C12orf42: variants seen among roughly 807,000 people sequenced by gnomAD.
C12orf42 encodes uncharacterized protein C12orf42.
C12orf42 carries 25 observed loss-of-function variants against 21.6 expected under a neutral mutation model. That is an observed-to-expected ratio of 1.16 (90% CI 0.84 to 1.62). C12orf42 has a LOEUF of 1.62. C12orf42 is among the 40% of genes most tolerant of loss of function. The pLI, the probability that C12orf42 is intolerant of heterozygous loss-of-function variation, is 0.00. For synonymous variants in C12orf42, 174 were observed against 175.0 expected (o/e 0.99, Z 0.05); for missense variants, 483 against 459.3 (o/e 1.05, Z -0.47).
chr12:103,116,087 C>A, the C12orf42 span, among the ~76,000 whole-genome samples: 5 of 152,162 alleles, frequency 3.3e-5, no homozygotes, highest in Admixed American at 3.3e-4. Flanking sequence ...TGGGGCCGGG[C>A]GCAGTGGCTC....
At chr12:103,437,769 T>TA (rs1487192414) in intron 2 of C12orf42, among the ~76,000 whole-genome samples, 1 of 144,036 alleles carries the variant, frequency 6.9e-6, no homozygotes, top group Non-Finnish European at 1.5e-5. Context: ...ATTAATAGCC[T>TA]ACCAACCAAA....
At chr12:103,433,492 T>G (rs1389302783) in intron 2 of C12orf42, among the ~76,000 whole-genome samples, 1 of 152,186 alleles carries the variant, frequency 6.6e-6, no homozygotes, top group African/African-American at 2.4e-5. Flanking sequence ...GCAACATCTC[T>G]AAAGTACAAT....
At chr12:103,236,669 A>G (rs1196974541), downstream of C12orf42, among the ~76,000 whole-genome samples, 1 of 152,138 alleles carries the variant, frequency 6.6e-6, no homozygotes, top group African/African-American at 2.4e-5. Flanking sequence ...TTCTTCTACA[A>G]TGGGCCCCCT....
chr12:103,317,381 C>T (rs1952076019), intron 4 of C12orf42, among the ~76,000 whole-genome samples: 1 of 152,180 alleles, frequency 6.6e-6, no homozygotes, highest in South Asian at 2.1e-4. Flanking sequence ...GTTCATCCTC[C>T]TCCCAGGATA....
intron 10 of C12orf42, among the ~76,000 whole-genome samples, chr12:103,245,955 G>C (rs1268957941): frequency 6.6e-6 from 1 of 152,020 alleles, no homozygotes; most frequent in Non-Finnish European, 1.5e-5. Flanking sequence ...GAAGGAGCTG[G>C]ACAGGCCAAC....
the C12orf42 span, among the ~76,000 whole-genome samples, chr12:103,509,412 C>A: frequency 1.3e-5 from 2 of 152,242 alleles, no homozygotes; most frequent in East Asian, 3.9e-4. Context: ...CTGAGCCAAG[C>A]GTAAGCACCT....
chr12:103,069,177 T>A, the C12orf42 span, among the ~76,000 whole-genome samples: 5 of 151,480 alleles, frequency 3.3e-5, no homozygotes, highest in Admixed American at 2.0e-4. Context: ...ATTTTTAACC[T>A]CAATTGCTGA....
chr12:103,161,012 C>T, the C12orf42 span, among the ~76,000 whole-genome samples: 7 of 152,186 alleles, frequency 4.6e-5, no homozygotes, highest in South Asian at 6.2e-4. Flanking sequence ...CTATGTGAAA[C>T]GTTGAGCATA....
At chr12:103,253,967 G>A (rs1022755682) in intron 10 of C12orf42, among the ~76,000 whole-genome samples, 1 of 152,034 alleles carries the variant, frequency 6.6e-6, no homozygotes, top group African/African-American at 2.4e-5. Flanking sequence ...TTGTGCAGAA[G>A]CTCTTTAGTT....
At chr12:103,180,615 CTTTTTTTTTTTTT>C in the C12orf42 span, among the ~76,000 whole-genome samples, 30 of 61,992 alleles carry the variant, frequency 4.8e-4, no homozygotes, top group African/African-American at 1.8e-3. Flanking sequence ...AAATAATTTC[CTTTTTTTTTTTTT>C]TTTTTTTTTT....
chr12:103,447,382 C>A (rs899098816), intron 2 of C12orf42, among the ~76,000 whole-genome samples: 14 of 151,838 alleles, frequency 9.2e-5, no homozygotes, highest in Admixed American at 2.6e-4. Flanking sequence ...AGAATCGGAA[C>A]AAGACAAGGA....
chr12:103,149,315 C>T, the C12orf42 span, among the ~76,000 whole-genome samples: 2 of 152,098 alleles, frequency 1.3e-5, no homozygotes, highest in African/African-American at 4.8e-5. Context: ...AAGGTTGCCC[C>T]AAGAGGTTCT....
At chr12:103,530,961 G>A in the C12orf42 span, among the ~76,000 whole-genome samples, 41 of 152,246 alleles carry the variant, frequency 2.7e-4, no homozygotes, top group Admixed American at 1.0e-3. Flanking sequence ...GGCAAGAAGC[G>A]ATGCAAACAA....
At chr12:103,287,731 T>C (rs1158037237) in intron 4 of C12orf42, among the ~76,000 whole-genome samples, 1 of 144,620 alleles carries the variant, frequency 6.9e-6, no homozygotes, top group Non-Finnish European at 1.5e-5. Flanking sequence ...CAAAAAAAAG[T>C]GTTCATAACA....
chr12:103,479,004 T>C (rs1239703621), intron 1 of C12orf42, among the ~76,000 whole-genome samples: 1 of 152,142 alleles, frequency 6.6e-6, no homozygotes, highest in Non-Finnish European at 1.5e-5. Flanking sequence ...ACTTTGAGTT[T>C]TCGTCTTATT....
At chr12:103,099,683 A>T in the C12orf42 span, among the ~76,000 whole-genome samples, 1 of 152,194 alleles carries the variant, frequency 6.6e-6, no homozygotes, top group Non-Finnish European at 1.5e-5. Flanking sequence ...TTTTCTTATG[A>T]TTTTAAAATA....
At chr12:103,523,376 A>G in the C12orf42 span, among the ~76,000 whole-genome samples, 167 of 152,140 alleles carry the variant, frequency 1.1e-3, no homozygotes, top group African/African-American at 3.2e-3. Flanking sequence ...GCTTTTGGCC[A>G]TTATATGTCT....
At chr12:103,096,488 G>T in the C12orf42 span, among the ~76,000 whole-genome samples, 1 of 152,100 alleles carries the variant, frequency 6.6e-6, no homozygotes, top group African/African-American at 2.4e-5. Flanking sequence ...GCCATGAAAG[G>T]AAAAAATTTG....
intron 2 of C12orf42, among the ~76,000 whole-genome samples, chr12:103,457,913 A>G (rs571026583): frequency 6.0e-4 from 92 of 152,278 alleles, no homozygotes; most frequent in African/African-American, 2.2e-3. Flanking sequence ...TTCATATAAG[A>G]CCTGAAAATA....
Sources: gnomAD v4.1 joint callset for allele counts (sites outside exome capture counted in the v4.1 genomes callset) on GRCh38, gnomAD v4.1.1 for gene constraint, MANE v1.5 for transcripts, NCBI Gene and HGNC (gene_info 2026-07-23, HGNC 2026-07-21) for gene names.